The following ATP2A1 variants were observed in gnomAD, a reference collection of about 807,000 sequenced individuals.
The protein encoded by ATP2A1 is sarcoplasmic/endoplasmic reticulum calcium ATPase 1.
In ATP2A1, 83 loss-of-function variants were observed where a neutral mutation model predicts 109.5. That is an observed-to-expected ratio of 0.76 (90% CI 0.63 to 0.91). The LOEUF (loss-of-function observed/expected upper bound fraction) is 0.91. Ranked by LOEUF, ATP2A1 falls within the 40% of genes least tolerant of loss-of-function variation. ATP2A1 has a pLI of 0.00. For synonymous variants in ATP2A1, 505 were observed against 537.6 expected (o/e 0.94, Z 0.84); for missense variants, 1,101 against 1,341.0 (o/e 0.82, Z 2.80).
chr16:28,886,832 CAAAAAAA>C (rs775292801), intron 6 of ATP2A1, among the ~76,000 whole-genome samples: 1 of 106,974 alleles, frequency 9.3e-6, no homozygotes, highest in African/African-American at 3.5e-5. Flanking sequence ...ACTAAAAATA[CAAAAAAA>C]AAAAAAAAAT....
chr16:28,898,367 C>G lies in ATP2A1; in HGVS notation c.1680C>G (p.Arg560=). Residue 560 remains arginine (R), a synonymous_variant, in exon 14 of 23, where the codon CGC becomes CGG. Coordinates refer to ENST00000395503, the MANE Select transcript of ATP2A1 (RefSeq NM_004320.6). The surrounding 1 kb of genome is among the most constrained non-coding windows in gnomAD (Gnocchi z 4.0). The stretch of plus-strand genomic sequence containing the variant: ...GGGGCACTGGCCGGGACACCCTGCG[C>G]TGCTTGGCCCTGGCCACCCGGGACA... ...KEWGTGRDTL[R]CLALATRDTP... is the part of the protein sequence containing the mutation. 6.2e-7 allele frequency: 1 copy of G among 1,614,186 alleles called. No homozygotes were observed. Among genetic ancestry groups the G allele is most frequent in the South Asian group, 1.1e-5 (1 of 91,086 alleles).
Position 28,902,346 on chromosome 16 carries a change from C to T in ATP2A1, c.2484C>T (p.Leu828=). Residue 828 remains leucine, a synonymous_variant, in exon 17 of 23, where the codon CTC becomes CTT. Transcript: ENST00000395503. This position sits in a 1 kb window ranked among gnomAD's most constrained non-coding sequence, Gnocchi z 4.8. ...CCCCCCGGAGCCCCAAGGAGCCCCT[C>T]ATCAGTGGCTGGCTCTTCTTCCGCT... is the stretch of plus-strand genomic sequence containing the variant. The part of the protein sequence containing the change: ...DRPPRSPKEP[L]ISGWLFFRYM... The T allele has an allele frequency of 6.2e-7, 1 of 1,614,086 alleles. No homozygotes were observed. The highest frequency in any genetic ancestry group is 8.5e-7 in the Non-Finnish European group (1 of 1,179,996).
chr16:28,887,323 C>T (rs369059550), intron 7 of ATP2A1, 49 bp downstream of exon 7: 10 of 1,612,626 alleles, frequency 6.2e-6, no homozygotes, highest in East Asian at 4.5e-5. Flanking sequence ...GCCAGGTGCC[C>T]GGGTTGGAGA....
rs540093642 is a variant in ATP2A1 at position 28,883,036 on chromosome 16, C to T, written c.463+447C>T. ...GAAGGGAGGAGGGAGGCCGAAGGCT[C>T]GAGCCCCCGACCATGTAAGGGAAAC... On this transcript the variant is annotated intron_variant, in intron 5 of 22. Transcript: ENST00000395503. The surrounding 1 kb of genome is among the most constrained non-coding windows in gnomAD (Gnocchi z 5.2). Among the ~76,000 whole-genome samples, 22 of 152,254 alleles carry T rather than the reference C, an allele frequency of 1.4e-4. No homozygotes were observed. The East Asian group carries it at 3.3e-3, about 23-fold the overall frequency.
chr16:28,879,712 G>A, intron 3 of ATP2A1, 129 bp downstream of exon 3: 1 of 1,130,864 alleles, frequency 8.8e-7, no homozygotes, highest in Non-Finnish European at 1.3e-6. Context: ...GGGGCGGGCT[G>A]GCGCGCAGCA....
chr16:28,882,345 C>A, intron 4 of ATP2A1, 106 bp from the exon 5 acceptor site: 1 of 1,528,662 alleles, frequency 6.5e-7, no homozygotes, highest in Non-Finnish European at 9.0e-7. Flanking sequence ...AACATACACA[C>A]ACCCCTGCCT....
rs532238885 is a variant in ATP2A1, at chr16:28,892,115, A to T, written c.1096-2040A>T. Among the ~76,000 whole-genome samples the T allele has an allele frequency of 1.8e-4, 28 of 152,272 alleles. 1 individual carries two copies. The South Asian group carries it at 5.6e-3, about 30-fold the overall frequency. On this transcript the variant is annotated intron_variant, in intron 9 of 22. Transcript: ENST00000395503. ...AGCAGTGGTGAGCATAAATTATGCT[A>T]TTTTGAGAGATCTGCAACAGTGGTA...
intron 9 of ATP2A1, among the ~76,000 whole-genome samples, chr16:28,889,833 T>C (rs1350688911): frequency 2.0e-5 from 3 of 152,154 alleles, no homozygotes; most frequent in Admixed American, 6.6e-5. Context: ...CAGGATAATA[T>C]TTCAAATGTA....
In ATP2A1 at chr16:28,880,698, G is replaced by T. The variant is rs546217911; in HGVS notation, c.220-217G>T. Among the ~76,000 whole-genome samples, 2 of 152,338 alleles carry T rather than the reference G, an allele frequency of 1.3e-5. No homozygotes were observed. Among genetic ancestry groups the T allele is most frequent in the Non-Finnish European group, 2.9e-5 (2 of 68,038 alleles). ...CTAATCCCCCAAGTGGTGCAAGTCT[G>T]TGCGCGCCCATCCCGCTGAGTAAGG... On this transcript the variant is annotated intron_variant, in intron 3 of 22. Coordinates refer to ENST00000395503, the MANE Select transcript of ATP2A1 (RefSeq NM_004320.6). This position sits in a 1 kb window ranked among gnomAD's most constrained non-coding sequence, Gnocchi z 4.2.
rs1964139357 is a variant in ATP2A1 at position 28,903,197 on chromosome 16, C to CG, written c.2862+52dup. ...GCCCACCCCAGCACTGGGGAGCCCA[C>CG]GGCGGGCCCATGACCACTCCCACCA... On this transcript the variant is annotated intron_variant, in intron 20 of 22. Coordinates refer to ENST00000395503, the MANE Select transcript of ATP2A1 (RefSeq NM_004320.6). The surrounding 1 kb of genome is among the most constrained non-coding windows in gnomAD (Gnocchi z 5.6). 6.2e-7 allele frequency: 1 copy of CG among 1,602,948 alleles called. No homozygotes were observed. Among genetic ancestry groups the CG allele is most frequent in the East Asian group, 2.2e-5 (1 of 44,808 alleles).
At chr16:28,886,191 G>T (rs1283890706) in intron 6 of ATP2A1, among the ~76,000 whole-genome samples, 2 of 152,006 alleles carry the variant, frequency 1.3e-5, no homozygotes, top group East Asian at 1.9e-4. Flanking sequence ...TTAAAAATTA[G>T]CTGGGCATTG....
rs1963554254 is a variant in ATP2A1, at chr16:28,883,934, C to CT, written c.464-641_464-640insT. Among the ~76,000 whole-genome samples the CT allele has an allele frequency of 6.6e-6, 1 of 152,134 alleles. No individual in the cohort carries two copies. The highest frequency in any genetic ancestry group is 6.6e-5 in the Admixed American group (1 of 15,258). ...CCTCTCCATGACCACCCTGTGCCCC[C>CT]CGCTGCCTTGAGTCCTGCCCACTCA... On this transcript the variant is annotated intron_variant, in intron 5 of 22. Coordinates refer to ENST00000395503, the MANE Select transcript of ATP2A1 (RefSeq NM_004320.6). This position sits in a 1 kb window ranked among gnomAD's most constrained non-coding sequence, Gnocchi z 5.2.
intron 8 of ATP2A1, 146 bp downstream of exon 8, chr16:28,887,868 TC>T: frequency 9.2e-7 from 1 of 1,081,452 alleles, no homozygotes; most frequent in Non-Finnish European, 1.3e-6. Context: ...TGGCGTGATC[TC>T]GGCTCACTGC....
Position 28,879,556 on chromosome 16 carries a change from TCTC to T in ATP2A1, c.198_200del (p.Leu67del), listed in dbSNP as rs753865718. The T allele has an allele frequency of 1.7e-5, 28 of 1,613,890 alleles. No individual in the cohort carries two copies. Among genetic ancestry groups the T allele is most frequent in the South Asian group, 1.2e-4 (11 of 91,082 alleles). On this transcript the variant is annotated inframe_deletion, in exon 3 of 23. Transcript: ENST00000395503. ...AGTTTGAAGACCTCCTGGTGCGGATTCTCCTCCTGGCCGCATGCATTTCCTTCG... is the reference window on the plus strand; with the variant it reads ...AGTTTGAAGACCTCCTGGTGCGGATTCTCCTGGCCGCATGCATTTCCTTCG...
chr16:28,882,582 G>A lies in ATP2A1; in HGVS notation c.456G>A (p.Glu152=). 14 of 1,614,182 alleles carry A rather than the reference G, an allele frequency of 8.7e-6. No individual in the cohort carries two copies. Among genetic ancestry groups the A allele is most frequent in the Non-Finnish European group, 1.2e-5 (14 of 1,180,008 alleles). The change falls in exon 5 of 23, where the codon GAG becomes GAA. Residue 152 remains glutamate (E), a synonymous_variant. Coordinates refer to ENST00000395503, the MANE Select transcript of ATP2A1 (RefSeq NM_004320.6). ...ACATCGTCCCTGGGGACATCGTGGA[G>A]GTGGCTGGTGAGTGACAGGGACGGC... The part of the protein sequence containing the change: ...ARDIVPGDIV[E]VAVGDKVPAD...
chr16:28,880,240 C>T lies in ATP2A1; in HGVS notation c.219+657C>T, dbSNP rs1963424361. ...TGGGGGCTACTCCCCATCCCGCGGT[C>T]CATCTGCATGTCGCGGGTTCTTCCG... On this transcript the variant is annotated intron_variant, in intron 3 of 22. Coordinates refer to ENST00000395503, the MANE Select transcript of ATP2A1 (RefSeq NM_004320.6). This position sits in a 1 kb window ranked among gnomAD's most constrained non-coding sequence, Gnocchi z 4.2. 1.5e-6 allele frequency: 1 copy of T among 648,946 alleles called. No individual in the cohort carries two copies. The highest frequency in any genetic ancestry group is 5.6e-5 in the Admixed American group (1 of 18,018). 40.2% of individuals were successfully genotyped at this position (648,946 alleles called of 1,614,324 possible).
rs1007315656 is a variant in ATP2A1, at chr16:28,880,296, G to A, written c.220-619G>A. 1.3e-5 allele frequency among the ~76,000 whole-genome samples: 2 copies of A among 152,230 alleles called. No individual in the cohort carries two copies. Among genetic ancestry groups the A allele is most frequent in the African/African-American group, 4.8e-5 (2 of 41,472 alleles). On this transcript the variant is annotated intron_variant, in intron 3 of 22. Coordinates refer to ENST00000395503, the MANE Select transcript of ATP2A1 (RefSeq NM_004320.6). This position sits in a 1 kb window ranked among gnomAD's most constrained non-coding sequence, Gnocchi z 4.2. ...TGTGAGCCTCGCTGGGGACTCTGGAGGCAACGAAAGCCTCCCTGTGCCTTG... is the reference window on the plus strand; with the variant it reads ...TGTGAGCCTCGCTGGGGACTCTGGAAGCAACGAAAGCCTCCCTGTGCCTTG...
At chr16:28,888,279 C>T (rs1342406851) in intron 8 of ATP2A1, among the ~76,000 whole-genome samples, 4 of 152,092 alleles carry the variant, frequency 2.6e-5, no homozygotes, top group African/African-American at 7.2e-5. Flanking sequence ...GCAATCCACC[C>T]GCCTCGGCCT....
chr16:28,880,820 T>G lies in ATP2A1; in HGVS notation c.220-95T>G. The G allele has an allele frequency of 8.0e-7, 1 of 1,244,380 alleles. No individual in the cohort carries two copies. Among genetic ancestry groups the G allele is most frequent in the South Asian group, 1.2e-5 (1 of 82,536 alleles). The allele number at this position is 1,244,380 out of a possible 1,614,324, so 77.1% of individuals were successfully genotyped here. ...GGCCCTCCTGCTGGCTCCTGCACTC[T>G]CCTGCACAGTTCTCCCCTTTGCAGT... On this transcript the variant is annotated intron_variant, in intron 3 of 22. Transcript: ENST00000395503. The surrounding 1 kb of genome is among the most constrained non-coding windows in gnomAD (Gnocchi z 4.2).
Sources: allele counts gnomAD v4.1 joint callset (sites outside exome capture counted in the v4.1 genomes callset), GRCh38; gene constraint gnomAD v4.1.1; non-coding constraint Gnocchi (gnomAD v3.1); transcripts MANE v1.5; gene names NCBI Gene and HGNC (gene_info 2026-07-23, HGNC 2026-07-21).